The following PMEPA1 variants were observed in gnomAD, a reference collection of about 807,000 sequenced individuals.
PMEPA1 encodes the protein protein TMEPAI.
PMEPA1 carries 11 observed loss-of-function variants against 23.0 expected under a neutral mutation model. The ratio of observed to expected loss-of-function variants is 0.48; its 90% CI spans 0.30 to 0.79. The LOEUF is 0.79. PMEPA1 is among the 30% of genes least tolerant of loss of function. The pLI, the probability that PMEPA1 is intolerant of heterozygous loss-of-function variation, is 0.06. For synonymous variants in PMEPA1, 204 were observed against 166.4 expected (o/e 1.23, Z -1.74); for missense variants, 377 against 390.9 (o/e 0.96, Z 0.30).
chr20:57,710,314 G>T, upstream of PMEPA1: 2 of 824,538 alleles, frequency 2.4e-6, no homozygotes, highest in Non-Finnish European at 3.5e-6. Flanking sequence ...CGGGCGGGTT[G>T]CTGGTGCGCC....
intron 1 of PMEPA1, among the ~76,000 whole-genome samples, chr20:57,681,628 C>A (rs1319111907): frequency 1.3e-5 from 2 of 152,174 alleles, no homozygotes; most frequent in South Asian, 4.1e-4. Flanking sequence ...AATAATAGAG[C>A]TCTCCACGTA....
intron 1 of PMEPA1, among the ~76,000 whole-genome samples, chr20:57,661,985 C>T (rs203370): frequency 0.9 from 110,488 of 123,060 alleles, 49,538 homozygotes; most frequent in East Asian, 0.96. Context: ...GGGGCCGCGT[C>T]TGCACCCAGG....
chr20:57,660,270 G>T (rs563845258), intron 1 of PMEPA1, among the ~76,000 whole-genome samples: 3 of 151,992 alleles, frequency 2.0e-5, no homozygotes, highest in African/African-American at 7.3e-5. Flanking sequence ...GTGAACGTGT[G>T]TACACAAACC....
At chr20:57,688,419 C>T (rs567162064) in intron 1 of PMEPA1, among the ~76,000 whole-genome samples, 246 of 152,178 alleles carry the variant, frequency 1.6e-3, no homozygotes, top group Non-Finnish European at 2.8e-3. Flanking sequence ...TAGACGCCTA[C>T]GGGGTAGGCA....
chr20:57,650,742 G>A lies in PMEPA1; in HGVS notation c.*1311C>T, dbSNP rs2071214360. The A allele has an allele frequency of 6.6e-6, 1 of 151,808 alleles. No individual in the cohort carries two copies. Among genetic ancestry groups the A allele is most frequent in the South Asian group, 2.1e-4 (1 of 4,826 alleles). The allele number at this position is 151,808 out of a possible 1,614,324, so 9.4% of individuals were successfully genotyped here. On this transcript the variant is annotated 3_prime_UTR_variant, in exon 4 of 4. Coordinates refer to ENST00000341744, the MANE Select transcript of PMEPA1 (RefSeq NM_020182.5). ...TTTCACCTATCCTGGGAGAAACCCA[G>A]GCTTGTCACCTTTTCATGTTGGGTT...
chr20:57,692,849 A>G (rs1005754074), intron 1 of PMEPA1, among the ~76,000 whole-genome samples: 1 of 152,258 alleles, frequency 6.6e-6, no homozygotes, highest in Non-Finnish European at 1.5e-5. Flanking sequence ...CTCAGGGAGC[A>G]GGGGGCTGCC....
Position 57,651,982 on chromosome 20 carries a change from T to G in PMEPA1, c.*71A>C. ...GCTGCGCCCCCCGCCTTCCTCTCAC[T>G]CCTCTTCTAAGAAGCGCGGAGTGTT... On this transcript the variant is annotated 3_prime_UTR_variant, in exon 4 of 4. Coordinates refer to ENST00000341744, the MANE Select transcript of PMEPA1 (RefSeq NM_020182.5). 1 of 1,336,960 alleles carries G rather than the reference T, an allele frequency of 7.5e-7. No homozygotes were observed. Among genetic ancestry groups the G allele is most frequent in the South Asian group, 1.6e-5 (1 of 62,434 alleles). 82.8% of individuals were successfully genotyped at this position (1,336,960 alleles called of 1,614,324 possible).
At chr20:57,661,474 G>A (rs1275047747) in intron 1 of PMEPA1, among the ~76,000 whole-genome samples, 2 of 152,212 alleles carry the variant, frequency 1.3e-5, no homozygotes, top group African/African-American at 4.8e-5. Context: ...CTGGCATGGG[G>A]GCAAGGAGGA....
In PMEPA1 at chr20:57,683,259, G is replaced by A. The variant is rs1197548642; in HGVS notation, c.110-23562C>T. Reference sequence around the variant, plus strand: ...CTCCCTAAACTCAAGCCAAGGGTGCGTTTTTGATGTGCTGAGAGAGGCCAG... The same window carrying A: ...CTCCCTAAACTCAAGCCAAGGGTGCATTTTTGATGTGCTGAGAGAGGCCAG... On this transcript the variant is annotated intron_variant, in intron 1 of 3. Transcript: ENST00000341744. The surrounding 1 kb of genome is among the most constrained non-coding windows in gnomAD (Gnocchi z 4.3). 1.3e-5 allele frequency among the ~76,000 whole-genome samples: 2 copies of A among 152,196 alleles called. No homozygotes were observed. The highest frequency in any genetic ancestry group is 2.9e-5 in the Non-Finnish European group (2 of 68,038).
At chr20:57,659,194 C>G (rs1167050276) in intron 2 of PMEPA1, among the ~76,000 whole-genome samples, 1 of 152,252 alleles carries the variant, frequency 6.6e-6, no homozygotes, top group African/African-American at 2.4e-5. Context: ...CCTGGAACGT[C>G]AGCTCCATGA....
chr20:57,659,184 C>G (rs2071371381), intron 2 of PMEPA1, among the ~76,000 whole-genome samples: 1 of 152,238 alleles, frequency 6.6e-6, no homozygotes. Flanking sequence ...TCATCTCCCT[C>G]CTGGAACGTC....
intron 1 of PMEPA1, among the ~76,000 whole-genome samples, chr20:57,678,547 C>T (rs1200119112): frequency 1.3e-5 from 2 of 152,194 alleles, no homozygotes; most frequent in Non-Finnish European, 2.9e-5. Context: ...ACAGAAGCCG[C>T]TTCCCTCTCT....
At chr20:57,684,265 C>T (rs959906587) in intron 1 of PMEPA1, among the ~76,000 whole-genome samples, 4 of 142,642 alleles carry the variant, frequency 2.8e-5, no homozygotes, top group East Asian at 2.4e-4. Context: ...ATAGTTTTCA[C>T]GGGTGGGGGT....
chr20:57,710,333 G>A (rs2072159306), upstream of PMEPA1: 15 of 976,944 alleles, frequency 1.5e-5, 1 homozygote, highest in South Asian at 3.6e-4. Context: ...CCCTCCCCTC[G>A]CCCCCGTCCC....
chr20:57,667,235 C>T (rs1335901443), intron 1 of PMEPA1, among the ~76,000 whole-genome samples: 1 of 152,132 alleles, frequency 6.6e-6, no homozygotes, highest in Non-Finnish European at 1.5e-5. Context: ...AGTTTCTGGA[C>T]CTCTGTTCTT....
At chr20:57,657,012 C>T (rs1210564434) in intron 2 of PMEPA1, among the ~76,000 whole-genome samples, 9 of 152,296 alleles carry the variant, frequency 5.9e-5, no homozygotes, top group Middle Eastern at 3.4e-3. Context: ...GCATCCCGGG[C>T]GGCTGTGCAG....
In PMEPA1 at chr20:57,683,583, GT is replaced by G. The variant is rs1264837817; in HGVS notation, c.110-23887del. Among the ~76,000 whole-genome samples the G allele has an allele frequency of 6.6e-6, 1 of 151,486 alleles. No individual in the cohort carries two copies. Among genetic ancestry groups the G allele is most frequent in the African/African-American group, 2.4e-5 (1 of 41,264 alleles). ...TGTGTGTGTGTGTGTGTGTGTGTGT[GT>G]TTCTTTTAAAAGTCTCTTCCCCTGA... On this transcript the variant is annotated intron_variant, in intron 1 of 3. Transcript: ENST00000341744. The surrounding 1 kb of genome is among the most constrained non-coding windows in gnomAD (Gnocchi z 4.3).
At chr20:57,693,266 G>A (rs1029345209) in intron 1 of PMEPA1, among the ~76,000 whole-genome samples, 4 of 152,204 alleles carry the variant, frequency 2.6e-5, no homozygotes. Context: ...GATGAGCAGA[G>A]AGACCAGGCC....
intron 1 of PMEPA1, among the ~76,000 whole-genome samples, chr20:57,678,996 A>T (rs10470037): frequency 1.0e-3 from 155 of 152,352 alleles, no homozygotes; most frequent in African/African-American, 3.6e-3. Flanking sequence ...CTTCAGGCAC[A>T]GAAGAGCCAG....
Sources: gnomAD v4.1 joint callset for allele counts (sites outside exome capture counted in the v4.1 genomes callset) on GRCh38, gnomAD v4.1.1 for gene constraint, Gnocchi (gnomAD v3.1) non-coding constraint, MANE v1.5 for transcripts, NCBI Gene and HGNC (gene_info 2026-07-23, HGNC 2026-07-21) for gene names.